CA5A: variants seen among roughly 807,000 people sequenced by gnomAD.
The protein encoded by CA5A is carbonic anhydrase 5A, also known as carbonic anhydrase 5A, mitochondrial.
A neutral mutation model predicts 37.1 loss-of-function variants in CA5A; 28 were observed. The ratio of observed to expected loss-of-function variants is 0.75; its 90% CI spans 0.56 to 1.03. The LOEUF (loss-of-function observed/expected upper bound fraction) is 1.03. Ranked by LOEUF, CA5A falls within the 50% of genes least tolerant of loss-of-function variation. The pLI is 0.00. For synonymous variants in CA5A, 171 were observed against 158.4 expected, an observed-to-expected ratio of 1.08 and a Z score of -0.60; for missense variants, 444 against 399.9, an observed-to-expected ratio of 1.11 and a Z score of -0.94.
chr16:87,930,736 T>TCTTTGGATCTA (rs2056390704), intron 1 of CA5A, among the ~76,000 whole-genome samples: 1 of 9,936 alleles, frequency 1.0e-4, no homozygotes, highest in African/African-American at 8.4e-4. Context: ...TTTGGATCTA[T>TCTTTGGATCTA]TTTTTTTTTT....
intron 5 of CA5A, among the ~76,000 whole-genome samples, chr16:87,894,413 A>G (rs1381861978): frequency 1.3e-5 from 2 of 152,150 alleles, no homozygotes; most frequent in Non-Finnish European, 2.9e-5. Flanking sequence ...GGAAGCTGGC[A>G]ACCCAGATGC....
intron 2 of CA5A, among the ~76,000 whole-genome samples, chr16:87,908,104 C>T (rs1196500902): frequency 1.3e-5 from 2 of 152,188 alleles, no homozygotes; most frequent in East Asian, 1.9e-4. Flanking sequence ...ATCACTTGGT[C>T]GGTAAGCAGC....
intron 2 of CA5A, among the ~76,000 whole-genome samples, chr16:87,912,218 C>T (rs2056061800): frequency 6.6e-6 from 1 of 152,148 alleles, no homozygotes; most frequent in Non-Finnish European, 1.5e-5. Context: ...GAGAGAATCG[C>T]TTGAACCCGG....
chr16:87,893,125 C>CCTTTCTTTCTTTCTTTCTTTCTTT (rs555248928), intron 5 of CA5A: 1 of 522,350 alleles, frequency 1.9e-6, no homozygotes, highest in African/African-American at 2.0e-5. Context: ...TTTCTTTCTT[C>CCTTTCTTTCTTTCTTTCTTTCTTT]CTTTCTTTCT....
chr16:87,928,760 G>GTTTTTTTTTTTTTTTTTTTTT (rs60994571), intron 1 of CA5A, among the ~76,000 whole-genome samples: 1 of 57,924 alleles, frequency 1.7e-5, no homozygotes, highest in Non-Finnish European at 3.0e-5. Flanking sequence ...TCTTTTCTTT[G>GTTTTTTTTTTTTTTTTTTTTT]TTTTTTTTTT....
At chr16:87,887,405 G>A (rs1299147546), downstream of CA5A, 1 of 147,520 alleles carries the variant, frequency 6.8e-6, no homozygotes, top group African/African-American at 2.5e-5. Context: ...CACGGTGCCT[G>A]GCCTCACAAG....
intron 5 of CA5A, 50 bp downstream of exon 5, chr16:87,901,862 C>T (rs2055882778): frequency 1.3e-6 from 2 of 1,517,034 alleles, no homozygotes; most frequent in South Asian, 1.1e-5. Context: ...GCTGGGATTA[C>T]AGGCGTGAGC....
At position 87,902,851 on chromosome 16, in the gene CA5A, G is replaced by A. The variant is rs370370261; in HGVS notation, c.460-331C>T. On this transcript the variant is annotated intron_variant, in intron 3 of 6. Coordinates refer to ENST00000649794, the MANE Select transcript of CA5A (RefSeq NM_001739.2). ...GGTGTGAACCCAGGAGGTAGAGCTT[G>A]CAGTGAGCTGAGATTGTGCCACTGC... Among the ~76,000 whole-genome samples the A allele has an allele frequency of 4.5e-4, 68 of 151,724 alleles. 1 individual carries two copies. The East Asian group carries it at 7.4e-3, about 16-fold the overall frequency.
chr16:87,923,948 G>T (rs2056265662), intron 2 of CA5A: 1 of 984,834 alleles, frequency 1.0e-6, no homozygotes, highest in Non-Finnish European at 1.2e-6. Context: ...TGAAGTGGCT[G>T]CATGAAGAAT....
At position 87,891,792 on chromosome 16, in the gene CA5A, G is replaced by C. The variant is rs373877038; in HGVS notation, c.774+7C>G. 6.7e-7 allele frequency: 1 copy of C among 1,498,640 alleles called. No individual in the cohort carries two copies. The highest frequency in any genetic ancestry group is 8.9e-7 in the Non-Finnish European group (1 of 1,127,472). The allele number at this position is 1,498,640 out of a possible 1,614,324, so 92.8% of individuals were successfully genotyped here. On this transcript the variant is annotated splice_region_variant and intron_variant, in intron 6 of 6. Coordinates refer to ENST00000649794, the MANE Select transcript of CA5A (RefSeq NM_001739.2). ...GCGCCATCGTGCCAGTTACGGGCAC[G>C]GCTCACCTGGCTTGGGGCCACTTCA... is the stretch of plus-strand genomic sequence containing the variant.
intron 5 of CA5A, chr16:87,893,394 T>C: frequency 4.3e-6 from 2 of 460,806 alleles, no homozygotes; most frequent in Non-Finnish European, 8.6e-6. Context: ...CCCAAAGTGT[T>C]GGGATTACAG....
At chr16:87,917,605 C>T (rs2056166070) in intron 2 of CA5A, among the ~76,000 whole-genome samples, 1 of 151,610 alleles carries the variant, frequency 6.6e-6, no homozygotes, top group South Asian at 2.1e-4. Flanking sequence ...CATGCACACA[C>T]CACACATGTG....
At chr16:87,882,545 T>G (rs2055616685) in intron 4 of CA5A, 1 of 152,194 alleles carries the variant, frequency 6.6e-6, no homozygotes, top group Non-Finnish European at 1.5e-5. Context: ...ATCCTGTCAC[T>G]TCGGGAGTTT....
intron 1 of CA5A, among the ~76,000 whole-genome samples, chr16:87,934,289 C>T (rs2056443246): frequency 6.6e-6 from 1 of 152,374 alleles, no homozygotes; most frequent in Non-Finnish European, 1.5e-5. Flanking sequence ...GAGGGGACAG[C>T]TGGGCGTGGT....
At chr16:87,887,899 C>T (rs1195204973), downstream of CA5A, 7 of 508,152 alleles carry the variant, frequency 1.4e-5, no homozygotes, top group Admixed American at 2.6e-4. Context: ...AAACTAAGCA[C>T]CCTGCACTTG....
At chr16:87,927,655 G>C (rs1209525129) in intron 1 of CA5A, among the ~76,000 whole-genome samples, 1 of 152,132 alleles carries the variant, frequency 6.6e-6, no homozygotes, top group Non-Finnish European at 1.5e-5. Flanking sequence ...GAGGTCAGGA[G>C]TTTGAGACCA....
intron 2 of CA5A, among the ~76,000 whole-genome samples, chr16:87,912,769 G>A (rs939601265): frequency 5.9e-5 from 9 of 152,220 alleles, no homozygotes; most frequent in African/African-American, 1.9e-4. Flanking sequence ...CCCTGAAGAT[G>A]GGTTTCTATT....
Position 87,926,896 on chromosome 16 carries a change from C to G in CA5A, c.192G>C (p.Gln64His), listed in dbSNP as rs1359244409. The G allele has an allele frequency of 1.2e-6, 2 of 1,608,084 alleles. No individual in the cohort carries two copies. The highest frequency in any genetic ancestry group is 1.7e-6 in the Non-Finnish European group (2 of 1,176,850). Residue 64 changes from glutamine to histidine, a missense_variant, in exon 2 of 7, where the codon CAG (glutamine) becomes CAC (histidine). Physicochemically the swap from Gln to His is conservative, Grantham distance 24. Transcript: ENST00000649794. ...CCCTCCACTGGATGTTAATAGGAGA[C>G]TGCCGGGTGCCCCCTGGCACGGAGA... ...VPVSVPGGTR[Q>H]SPINIQWRDS...
intron 2 of CA5A, among the ~76,000 whole-genome samples, chr16:87,907,268 C>T (rs192163394): frequency 6.6e-6 from 1 of 152,248 alleles, no homozygotes; most frequent in East Asian, 1.9e-4. Flanking sequence ...AAAACACAAT[C>T]TAAGGAACTT....
Sources: allele counts gnomAD v4.1 joint callset (sites outside exome capture counted in the v4.1 genomes callset), GRCh38; gene constraint gnomAD v4.1.1; transcripts MANE v1.5; gene names NCBI Gene and HGNC (gene_info 2026-07-23, HGNC 2026-07-21).